Variants in DHRS4L2 observed in about 807,000 individuals in gnomAD.
DHRS4L2 encodes dehydrogenase/reductase SDR family member 4-like 2.
DHRS4L2 carries 22 observed loss-of-function variants against 23.9 expected under a neutral mutation model. The observed-to-expected ratio is 0.92, with a 90% CI of 0.66 to 1.31. The LOEUF is 1.31. Ranked by LOEUF, DHRS4L2 falls within the 40% of genes most tolerant of loss-of-function variation. The pLI is 0.00. For synonymous variants in DHRS4L2, 141 were observed against 123.7 expected (o/e 1.14, Z -0.93); for missense variants, 385 against 303.3 (o/e 1.27, Z -2.00).
At chr14:23,979,010 TAA>T (rs2034013951) in intron 1 of DHRS4L2, among the ~76,000 whole-genome samples, 1 of 141,892 alleles carries the variant, frequency 7.0e-6, no homozygotes, top group Non-Finnish European at 1.5e-5. Context: ...GCAAATTGGA[TAA>T]AGAGTCAAGA....
At chr14:23,972,250 G>A (rs962939520) in intron 1 of DHRS4L2, among the ~76,000 whole-genome samples, 4 of 152,008 alleles carry the variant, frequency 2.6e-5, no homozygotes, top group African/African-American at 9.7e-5. Context: ...GTTCAGACAT[G>A]TTCAGAGTTT....
Position 24,001,063 on chromosome 14 carries a change from A to G in DHRS4L2, c.510A>G (p.Ile170Met), listed in dbSNP as rs756015179. ...GGGSVVIVSSIAAFSPSPGFS... is the reference protein window; with the variant it reads ...GGGSVVIVSSMAAFSPSPGFS... ...GCTCAGTGGTGATCGTGTCTTCCAT[A>G]GCAGCCTTCAGTCCATCTCCTGTAA... Residue 170 changes from isoleucine to methionine, a missense_variant, in exon 5 of 8, where the codon ATA becomes ATG. Transcript: ENST00000335125. The G allele has an allele frequency of 1.9e-6, 3 of 1,611,166 alleles. No individual in the cohort carries two copies. Among genetic ancestry groups the G allele is most frequent in the Admixed American group, 1.7e-5 (1 of 59,958 alleles).
intron 1 of DHRS4L2, among the ~76,000 whole-genome samples, chr14:23,976,806 G>A (rs4048588): frequency 4.6e-5 from 7 of 151,848 alleles, no homozygotes; most frequent in Admixed American, 1.3e-4. Flanking sequence ...CCTTTGCAGG[G>A]ACATGGATGA....
At chr14:23,989,607 C>T (rs777730684) in intron 1 of DHRS4L2, among the ~76,000 whole-genome samples, 3 of 151,594 alleles carry the variant, frequency 2.0e-5, no homozygotes, top group African/African-American at 7.3e-5. Flanking sequence ...TCCTGGTTCT[C>T]ATTTCTACAG....
intron 7 of DHRS4L2, 23 bp downstream of exon 7, chr14:24,004,415 G>C (rs2034535319): frequency 5.6e-6 from 9 of 1,594,744 alleles, no homozygotes; most frequent in Non-Finnish European, 6.8e-6. Flanking sequence ...GAGGGCAAGG[G>C]CACTAAGAGA....
chr14:23,996,872 T>A (rs1324276538), intron 3 of DHRS4L2, among the ~76,000 whole-genome samples: 2 of 151,994 alleles, frequency 1.3e-5, no homozygotes, highest in African/African-American at 2.4e-5. Context: ...TGGCCTCAAC[T>A]GATCCCCACA....
chr14:23,988,552 G>A (rs1174328884), upstream of DHRS4L2, among the ~76,000 whole-genome samples: 3 of 151,138 alleles, frequency 2.0e-5, no homozygotes, highest in South Asian at 4.2e-4. Context: ...AGACTTTCTT[G>A]GAGAAGGAAT....
intron 2 of DHRS4L2, among the ~76,000 whole-genome samples, chr14:23,994,442 C>A (rs1210265039): frequency 6.6e-6 from 1 of 151,722 alleles, no homozygotes; most frequent in Non-Finnish European, 1.5e-5. Context: ...GCCTATAACA[C>A]TTTAGGATAC....
chr14:23,991,034 A>C lies in DHRS4L2; in HGVS notation c.306+675A>C, dbSNP rs563692240. ...ACAACAGCCTTGCAGCTGCTGAAGC[A>C]ACTATGAAGCATTCACAAAGGAAGC... On this transcript the variant is annotated intron_variant, in intron 2 of 7. Transcript: ENST00000335125. 78 of 336,556 alleles carry C rather than the reference A, an allele frequency of 2.3e-4. 2 individuals carry two copies. Among genetic ancestry groups the C allele is most frequent in the African/African-American group, 1.7e-3 (76 of 44,858 alleles). The allele number at this position is 336,556 out of a possible 1,614,324, so 20.8% of individuals were successfully genotyped here. A position where few individuals can be genotyped will look rare whatever the true frequency, so the allele number is the denominator to read the frequency against.
upstream of DHRS4L2, chr14:23,988,657 G>C (rs2034196712): frequency 1.8e-6 from 1 of 566,698 alleles, no homozygotes; most frequent in Admixed American, 4.0e-5. Flanking sequence ...CAAAGTCTGC[G>C]GGTTCCTGCG....
intron 1 of DHRS4L2, among the ~76,000 whole-genome samples, chr14:23,981,305 G>T (rs548808627): frequency 6.6e-6 from 1 of 151,580 alleles, no homozygotes; most frequent in Non-Finnish European, 1.5e-5. Context: ...AATAAGTGAG[G>T]ACACAAACAA....
Position 23,991,737 on chromosome 14 carries a change from CTTTT to C in DHRS4L2, c.306+1391_306+1394del, listed in dbSNP as rs56024121. Among the ~76,000 whole-genome samples the C allele has an allele frequency of 7.1e-5, 10 of 139,862 alleles. 1 individual carries two copies. The highest frequency in any genetic ancestry group is 1.4e-4 in the Admixed American group (2 of 14,160). 91.8% of individuals were successfully genotyped at this position (139,862 alleles called of 152,430 possible). A position where few individuals can be genotyped will look rare whatever the true frequency, so the allele number is the denominator to read the frequency against. Reference sequence around the variant, plus strand: ...AGATAGAGGCCATGGGCCTCCATATCTTTTTTTTTTTTTTTTGAGACAGAGTTTC... The same window carrying C: ...AGATAGAGGCCATGGGCCTCCATATCTTTTTTTTTTTTGAGACAGAGTTTC... On this transcript the variant is annotated intron_variant, in intron 2 of 7. Coordinates refer to ENST00000335125, the MANE Select transcript of DHRS4L2 (RefSeq NM_198083.4).
At chr14:23,974,859 G>T (rs182566596) in intron 1 of DHRS4L2, among the ~76,000 whole-genome samples, 2 of 151,690 alleles carry the variant, frequency 1.3e-5, no homozygotes, top group Non-Finnish European at 2.9e-5. Context: ...AAACTATACC[G>T]ATCAATAGAA....
Position 24,006,364 on chromosome 14 carries a change from T to C in DHRS4L2, c.*501T>C, listed in dbSNP as rs2034581531. 4.2e-6 allele frequency: 1 copy of C among 236,868 alleles called. No homozygotes were observed. The highest frequency in any genetic ancestry group is 5.5e-5 in the Admixed American group (1 of 18,310). The allele number at this position is 236,868 out of a possible 1,614,324, so 14.7% of individuals were successfully genotyped here. On this transcript the variant is annotated 3_prime_UTR_variant, in exon 8 of 8. Coordinates refer to ENST00000335125, the MANE Select transcript of DHRS4L2 (RefSeq NM_198083.4). ...GAGTTGCAAATTAACAACTTGCAAA[T>C]GAGGTGCAAATAAAATGCAGATGAT...
At chr14:23,974,825 G>A (rs2033935492) in intron 1 of DHRS4L2, among the ~76,000 whole-genome samples, 1 of 151,844 alleles carries the variant, frequency 6.6e-6, no homozygotes, top group African/African-American at 2.4e-5. Flanking sequence ...GAGGTACAAA[G>A]AGGAGCTGGT....
Position 24,001,958 on chromosome 14 carries a change from T to TTG in DHRS4L2, c.665+442_665+443insGT, listed in dbSNP as rs1491169981. Among the ~76,000 whole-genome samples the TTG allele has an allele frequency of 2.0e-3, 12 of 6,008 alleles. 1 individual carries two copies. Among genetic ancestry groups the TTG allele is most frequent in the Admixed American group, 7.2e-3 (3 of 418 alleles). The allele number at this position is 6,008 out of a possible 152,430, so 3.9% of individuals were successfully genotyped here. A position where few individuals can be genotyped will look rare whatever the true frequency, so the allele number is the denominator to read the frequency against. ...CTTTCCATTCTTCACTTTCCTCTTC[T>TTG]TTTTTTTTTTTTTTTCTTTTTTAAT... On this transcript the variant is annotated intron_variant, in intron 6 of 7. Coordinates refer to ENST00000335125, the MANE Select transcript of DHRS4L2 (RefSeq NM_198083.4).
intron 1 of DHRS4L2, among the ~76,000 whole-genome samples, chr14:23,973,047 G>A (rs371598986): frequency 1.4e-4 from 22 of 151,968 alleles, no homozygotes; most frequent in Non-Finnish European, 2.8e-4. Flanking sequence ...GATTTATACC[G>A]AGACATTTAG....
chr14:23,994,882 C>G (rs1376997282), intron 2 of DHRS4L2, 150 bp from the exon 3 acceptor site: 4 of 857,894 alleles, frequency 4.7e-6, no homozygotes, highest in Non-Finnish European at 7.5e-6. Flanking sequence ...TTCCTCAGCT[C>G]AAGTGAGCCT....
At chr14:23,982,501 C>G (rs1434222119) in intron 1 of DHRS4L2, among the ~76,000 whole-genome samples, 1 of 150,936 alleles carries the variant, frequency 6.6e-6, no homozygotes, top group East Asian at 1.9e-4. Context: ...ATAGCCAAGA[C>G]AATCCAAAGC....
Sources: allele counts gnomAD v4.1 joint callset (sites outside exome capture counted in the v4.1 genomes callset), GRCh38; gene constraint gnomAD v4.1.1; transcripts MANE v1.5; gene names NCBI Gene and HGNC (gene_info 2026-07-23, HGNC 2026-07-21).